Variants in MACROD2 observed in about 807,000 individuals in gnomAD.
MACROD2 encodes the protein ADP-ribose glycohydrolase MACROD2.
In MACROD2, 36 loss-of-function variants were observed where a neutral mutation model predicts 70.4. The observed-to-expected ratio is 0.51, with a 90% CI of 0.39 to 0.68. MACROD2 has a LOEUF of 0.68. MACROD2 is among the 30% of genes least tolerant of loss of function. MACROD2 has a pLI of 0.00. For missense variants in MACROD2, 496 were observed against 538.4 expected (o/e 0.92, Z 0.78); for synonymous variants, 172 against 178.8 (o/e 0.96, Z 0.30).
intron 4 of MACROD2, among the ~76,000 whole-genome samples, chr20:14,577,486 T>G (rs1319368878): frequency 6.6e-6 from 1 of 152,150 alleles, no homozygotes; most frequent in African/African-American, 2.4e-5. Context: ...TTTTTGGAAC[T>G]ATATAAGAGG....
At chr20:15,832,042 A>G (rs2064061762) in intron 8 of MACROD2, among the ~76,000 whole-genome samples, 1 of 152,166 alleles carries the variant, frequency 6.6e-6, no homozygotes, top group Non-Finnish European at 1.5e-5. Context: ...GATTAGTTTT[A>G]CCTACGTATG....
chr20:15,850,830 C>T (rs1351186053), intron 8 of MACROD2, among the ~76,000 whole-genome samples: 1 of 152,162 alleles, frequency 6.6e-6, no homozygotes. Flanking sequence ...CTGTTGCTGT[C>T]ACTTTGTTAG....
chr20:15,902,490 C>T (rs985793417), intron 10 of MACROD2, among the ~76,000 whole-genome samples: 4 of 151,972 alleles, frequency 2.6e-5, no homozygotes, highest in South Asian at 2.1e-4. Context: ...CTTCAACCAA[C>T]GATAAGCAAT....
chr20:15,411,185 T>TGA (rs1234168898), intron 6 of MACROD2, among the ~76,000 whole-genome samples: 1 of 77,448 alleles, frequency 1.3e-5, no homozygotes, highest in African/African-American at 5.7e-5. Flanking sequence ...CACACAAAGC[T>TGA]GAGAGAGAGA....
intron 4 of MACROD2, among the ~76,000 whole-genome samples, chr20:14,561,213 T>C (rs1351168775): frequency 6.6e-6 from 1 of 151,862 alleles, no homozygotes; most frequent in Non-Finnish European, 1.5e-5. Context: ...GAACAATTGT[T>C]TATAATCTAA....
At chr20:14,836,758 T>C (rs73266739) in intron 5 of MACROD2, among the ~76,000 whole-genome samples, 1,830 of 152,206 alleles carry the variant, frequency 0.012, 42 homozygotes, top group African/African-American at 0.041. Context: ...TTTACAGCTA[T>C]ATGCTAACTT....
intron 3 of MACROD2, among the ~76,000 whole-genome samples, chr20:14,397,854 A>G (rs1340438056): frequency 3.3e-5 from 5 of 152,142 alleles, no homozygotes; most frequent in Non-Finnish European, 7.4e-5. Flanking sequence ...CTGTAATTTT[A>G]TATCTATTAA....
chr20:15,340,381 C>T (rs926743172), intron 6 of MACROD2, among the ~76,000 whole-genome samples: 1 of 151,832 alleles, frequency 6.6e-6, no homozygotes, highest in African/African-American at 2.4e-5. Flanking sequence ...CATGATCCAT[C>T]CGCCTCGGAC....
At chr20:15,610,482 C>A (rs1023151712) in intron 8 of MACROD2, among the ~76,000 whole-genome samples, 1 of 152,142 alleles carries the variant, frequency 6.6e-6, no homozygotes, top group South Asian at 2.1e-4. Context: ...TCACATGGCC[C>A]TCTCCTCTGT....
chr20:14,617,756 T>A (rs1223278657), intron 4 of MACROD2, among the ~76,000 whole-genome samples: 1 of 152,154 alleles, frequency 6.6e-6, no homozygotes, highest in Non-Finnish European at 1.5e-5. Context: ...CAAGACACTA[T>A]GAGACTCTGC....
chr20:14,511,428 T>G (rs2085028987), intron 4 of MACROD2, among the ~76,000 whole-genome samples: 1 of 151,978 alleles, frequency 6.6e-6, no homozygotes, highest in Admixed American at 6.6e-5. Flanking sequence ...ATTAAACATT[T>G]AAAAATTAAA....
At chr20:14,072,115 A>C (rs563512661) in intron 2 of MACROD2, among the ~76,000 whole-genome samples, 1 of 152,206 alleles carries the variant, frequency 6.6e-6, no homozygotes, top group Non-Finnish European at 1.5e-5. Flanking sequence ...GGTGTGTTGT[A>C]TGTTATAAAA....
At chr20:14,994,942 A>C (rs2074936665) in intron 5 of MACROD2, among the ~76,000 whole-genome samples, 1 of 152,086 alleles carries the variant, frequency 6.6e-6, no homozygotes, top group Non-Finnish European at 1.5e-5. Flanking sequence ...AGTTTGAGAG[A>C]AGCCTAGGCA....
At chr20:15,770,084 A>ATTTTTTTTTTTTT (rs1234797549) in intron 8 of MACROD2, among the ~76,000 whole-genome samples, 4 of 125,702 alleles carry the variant, frequency 3.2e-5, no homozygotes, top group African/African-American at 1.3e-4. Context: ...ATTTATTTTA[A>ATTTTTTTTTTTTT]TTTTCTTTTT....
chr20:15,360,434 A>G (rs1409678211), intron 6 of MACROD2, among the ~76,000 whole-genome samples: 2 of 152,316 alleles, frequency 1.3e-5, no homozygotes, highest in Non-Finnish European at 2.9e-5. Flanking sequence ...GTAACAAGTT[A>G]GAAATAAGAG....
chr20:14,797,749 T>C (rs1366354807), intron 5 of MACROD2, among the ~76,000 whole-genome samples: 1 of 152,070 alleles, frequency 6.6e-6, no homozygotes, highest in Non-Finnish European at 1.5e-5. Context: ...AACATTTGTT[T>C]CTAATTGTAC....
chr20:15,212,761 C>A (rs944609374), intron 5 of MACROD2, among the ~76,000 whole-genome samples: 27 of 152,168 alleles, frequency 1.8e-4, no homozygotes, highest in African/African-American at 5.8e-4. Context: ...TATAGTACAA[C>A]TCTACATTTG....
intron 3 of MACROD2, among the ~76,000 whole-genome samples, chr20:14,177,264 A>G (rs180933256): frequency 4.1e-4 from 62 of 151,400 alleles, no homozygotes; most frequent in African/African-American, 1.5e-3. Context: ...GGCTAGCCCT[A>G]TCAGACATTA....
chr20:14,928,127 G>A (rs1000458784), intron 5 of MACROD2, among the ~76,000 whole-genome samples: 3 of 152,196 alleles, frequency 2.0e-5, no homozygotes, highest in Non-Finnish European at 2.9e-5. Context: ...ACACATTCAT[G>A]CATCTTCTTG....
Sources: gnomAD v4.1 joint callset for allele counts (sites outside exome capture counted in the v4.1 genomes callset) on GRCh38, gnomAD v4.1.1 for gene constraint, MANE v1.5 for transcripts, NCBI Gene and HGNC (gene_info 2026-07-23, HGNC 2026-07-21) for gene names.